The following ALS2CL variants were observed in gnomAD, a reference collection of about 807,000 sequenced individuals.
ALS2CL encodes the protein ALS2 C-terminal-like protein.
A neutral mutation model predicts 127.9 loss-of-function variants in ALS2CL; 112 were observed. The observed-to-expected ratio is 0.88, with a 90% CI of 0.75 to 1.02. The LOEUF is 1.02. ALS2CL is among the 50% of genes least tolerant of loss of function. The pLI, the probability that ALS2CL is intolerant of heterozygous loss-of-function variation, is 0.00. For missense variants in ALS2CL, 1,174 were observed against 1,236.7 expected (o/e 0.95, Z 0.76); for synonymous variants, 519 against 527.6 (o/e 0.98, Z 0.22).
Position 46,681,223 on chromosome 3 carries a change from AG to A in ALS2CL, c.1436+22del, listed in dbSNP as rs756916675. The stretch of plus-strand genomic sequence containing the variant: ...GCCCGGTCCACCCCTCCGTCCTGGG[AG>A]TGGTGGCTGCAGGGCGCTCACCTGT... On this transcript the variant is annotated intron_variant, in intron 13 of 25. Transcript: ENST00000318962. The surrounding 1 kb of genome is among the most constrained non-coding windows in gnomAD (Gnocchi z 4.9). 6.2e-7 allele frequency: 1 copy of A among 1,613,612 alleles called. No individual in the cohort carries two copies. Among genetic ancestry groups the A allele is most frequent in the South Asian group, 1.1e-5 (1 of 91,070 alleles).
In ALS2CL at chr3:46,686,229, C is replaced by A; in HGVS notation, c.666+79G>T. On this transcript the variant is annotated intron_variant, in intron 6 of 25. Coordinates refer to ENST00000318962, the MANE Select transcript of ALS2CL (RefSeq NM_147129.5). The surrounding 1 kb of genome is among the most constrained non-coding windows in gnomAD (Gnocchi z 4.3). ...GGAAACTGAGGCCCAGAGAATACAGCAAGCAGCTCAAGCCCCCCAACATCT... is the reference window on the plus strand; with the variant it reads ...GGAAACTGAGGCCCAGAGAATACAGAAAGCAGCTCAAGCCCCCCAACATCT... 2.7e-6 allele frequency: 4 copies of A among 1,482,242 alleles called. No homozygotes were observed. Among genetic ancestry groups the A allele is most frequent in the Non-Finnish European group, 2.7e-6 (3 of 1,114,760 alleles). The allele number at this position is 1,482,242 out of a possible 1,614,324, so 91.8% of individuals were successfully genotyped here. A position where few individuals can be genotyped will look rare whatever the true frequency, so the allele number is the denominator to read the frequency against.
chr3:46,686,879 C>A lies in ALS2CL; in HGVS notation c.534+104G>T, dbSNP rs942919032. ...CTCCCACCTGCCGGCATGGCTGAGT[C>A]CTTCTTGTACTAGGGTTCCTGAGTA... On this transcript the variant is annotated intron_variant, in intron 5 of 25. Transcript: ENST00000318962. The surrounding 1 kb of genome is among the most constrained non-coding windows in gnomAD (Gnocchi z 4.3). 2.3e-6 allele frequency: 3 copies of A among 1,308,468 alleles called. No individual in the cohort carries two copies. The highest frequency in any genetic ancestry group is 3.0e-6 in the Non-Finnish European group (3 of 997,214). 81.1% of individuals were successfully genotyped at this position (1,308,468 alleles called of 1,614,324 possible).
In ALS2CL at chr3:46,682,105, G is replaced by A. The variant is rs765075737; in HGVS notation, c.1110-11C>T. The A allele has an allele frequency of 6.2e-7, 1 of 1,613,580 alleles. No homozygotes were observed. The highest frequency in any genetic ancestry group is 2.2e-5 in the East Asian group (1 of 44,866). On this transcript the variant is annotated splice_polypyrimidine_tract_variant and intron_variant, in intron 10 of 25. Transcript: ENST00000318962. ...CATTTCAGGGTTCCCCTGGAACACA[G>A]TGGAGGTTCACGAGCCTCAGGCCTA...
intron 10 of ALS2CL, among the ~76,000 whole-genome samples, chr3:46,682,654 T>C (rs1699445011): frequency 6.6e-6 from 1 of 152,174 alleles, no homozygotes; most frequent in African/African-American, 2.4e-5. Flanking sequence ...AGACCTGTGA[T>C]TGAGGCCGGC....
At chr3:46,689,208 G>A in intron 2 of ALS2CL, 130 bp downstream of exon 2, 1 of 907,490 alleles carries the variant, frequency 1.1e-6, no homozygotes. Flanking sequence ...AGAAGATGCT[G>A]ATACCAGGTG....
In ALS2CL at chr3:46,686,110, C is replaced by G. The variant is rs1382398657; in HGVS notation, c.666+198G>C. 6.6e-6 allele frequency among the ~76,000 whole-genome samples: 1 copy of G among 152,210 alleles called. No homozygotes were observed. The highest frequency in any genetic ancestry group is 1.5e-5 in the Non-Finnish European group (1 of 68,028). ...CCTCTTCCCTAGGCCGGGTCAGGGC[C>G]TGGCCCAGGACGTGCTCAGCAGACA... On this transcript the variant is annotated intron_variant, in intron 6 of 25. Coordinates refer to ENST00000318962, the MANE Select transcript of ALS2CL (RefSeq NM_147129.5). The surrounding 1 kb of genome is among the most constrained non-coding windows in gnomAD (Gnocchi z 4.3).
chr3:46,685,631 G>A lies in ALS2CL; in HGVS notation c.680C>T (p.Thr227Ile). ...GTCCTGAAGGAGTCTGTGAGCAGGG[G>A]TGCAGAGCACATCCTGGTGGGGCAA... is the stretch of plus-strand genomic sequence containing the variant. ...LRGRLRDVLC[T>I]PAHRLLQDSQ... Residue 227 changes from threonine (T) to isoleucine (I), a missense_variant, in exon 7 of 26, where the codon ACC becomes ATC. Coordinates refer to ENST00000318962, the MANE Select transcript of ALS2CL (RefSeq NM_147129.5). The A allele has an allele frequency of 2.5e-6, 4 of 1,613,696 alleles. No homozygotes were observed. Among genetic ancestry groups the A allele is most frequent in the Non-Finnish European group, 2.5e-6 (3 of 1,179,876 alleles).
At chr3:46,689,098 A>C (rs181746381) in intron 2 of ALS2CL, among the ~76,000 whole-genome samples, 1 of 152,328 alleles carries the variant, frequency 6.6e-6, no homozygotes, top group Non-Finnish European at 1.5e-5. Flanking sequence ...GCGTGGTGGC[A>C]GGCACCTGTA....
At chr3:46,676,777 C>G in intron 17 of ALS2CL, 39 bp from the exon 18 acceptor site, 2 of 1,612,372 alleles carry the variant, frequency 1.2e-6, no homozygotes, top group East Asian at 2.2e-5. Flanking sequence ...CACACCTCGG[C>G]CCAGCCCCCT....
Position 46,685,541 on chromosome 3 carries a change from G to C in ALS2CL, c.770C>G (p.Ala257Gly). 2 of 1,613,894 alleles carry C rather than the reference G, an allele frequency of 1.2e-6. No individual in the cohort carries two copies. The highest frequency in any genetic ancestry group is 1.1e-5 in the South Asian group (1 of 91,074). ...RAERVLLFDD[A>G]LVLLQGHNVH... Reference sequence around the variant, plus strand: ...CACCCCAACCTGCAGCAGGACGAGGGCATCATCAAAGAGCAGCACACGCTC... The same window carrying C: ...CACCCCAACCTGCAGCAGGACGAGGCCATCATCAAAGAGCAGCACACGCTC... The change falls in exon 7 of 26, where the codon GCC becomes GGC. Residue 257 changes from alanine to glycine, a missense_variant. By Grantham distance (60) the Ala-to-Gly change is moderately conservative. Transcript: ENST00000318962.
At chr3:46,683,708 G>A in intron 9 of ALS2CL, 74 bp downstream of exon 9, 1 of 1,554,496 alleles carries the variant, frequency 6.4e-7, no homozygotes, top group Non-Finnish European at 8.9e-7. Flanking sequence ...GCCCTGCAGG[G>A]TTGCATACTT....
intron 14 of ALS2CL, 177 bp from the exon 15 acceptor site, chr3:46,679,464 C>T (rs1041131707): frequency 3.2e-5 from 16 of 493,234 alleles, no homozygotes; most frequent in Non-Finnish European, 5.3e-5. Flanking sequence ...CTTTGGCCTG[C>T]TAAGCACCAG....
rs778585588 is a variant in ALS2CL, at chr3:46,679,219, G to A, written c.1617C>T (p.Leu539=). The A allele has an allele frequency of 5.1e-6, 8 of 1,567,934 alleles. No individual in the cohort carries two copies. In the Admixed American group the frequency reaches 1.1e-4, roughly 22 times the overall value. Residue 539 remains leucine (L), a synonymous_variant, in exon 15 of 26, where the codon CTC becomes CTT. Transcript: ENST00000318962. ...YEGTFTRDLT[L]MGKGKVTFPN... is the part of the protein sequence containing the mutation. ...CCTCAGTGGTCCTCACCTTCCCCAT[G>A]AGGGTCAGGTCCCTGGTGAAGGTGC...
In ALS2CL at chr3:46,686,524, C is replaced by G; in HGVS notation, c.535-85G>C. 1 of 1,526,452 alleles carries G rather than the reference C, an allele frequency of 6.6e-7. No homozygotes were observed. The highest frequency in any genetic ancestry group is 1.3e-5 in the South Asian group (1 of 77,386). 94.6% of individuals were successfully genotyped at this position (1,526,452 alleles called of 1,614,324 possible). ...TCCTGGTCCCGGCTGGTGGGGAGGCCTGAATCTAGGCCAGACCTTGCCCTT... is the reference window on the plus strand; with the variant it reads ...TCCTGGTCCCGGCTGGTGGGGAGGCGTGAATCTAGGCCAGACCTTGCCCTT... On this transcript the variant is annotated intron_variant, in intron 5 of 25. Transcript: ENST00000318962. This position sits in a 1 kb window ranked among gnomAD's most constrained non-coding sequence, Gnocchi z 4.3.
At chr3:46,679,077 C>T (rs1699110388) in intron 15 of ALS2CL, 133 bp downstream of exon 15, 1 of 884,618 alleles carries the variant, frequency 1.1e-6, no homozygotes, top group Non-Finnish European at 1.7e-6. Flanking sequence ...AGTTGCTGTG[C>T]CCACTCCTTG....
chr3:46,686,971 C>G lies in ALS2CL; in HGVS notation c.534+12G>C. ...CTCGGCTTCCCCACATGCTGCTGCC[C>G]CTGGTACCCACCTCCCCAATGGTGT... On this transcript the variant is annotated intron_variant, in intron 5 of 25. Transcript: ENST00000318962. This position sits in a 1 kb window ranked among gnomAD's most constrained non-coding sequence, Gnocchi z 4.3. 6.3e-7 allele frequency: 1 copy of G among 1,581,636 alleles called. No homozygotes were observed. Among genetic ancestry groups the G allele is most frequent in the South Asian group, 1.1e-5 (1 of 87,872 alleles).
In ALS2CL at chr3:46,671,906, T is replaced by A. The variant is rs1386214032; in HGVS notation, c.2662A>T (p.Ile888Phe). The change falls in exon 24 of 26, where the codon ATC becomes TTC. Residue 888 changes from isoleucine (I) to phenylalanine (F), a missense_variant. Ile to Phe is a conservative substitution (Grantham distance 21). Transcript: ENST00000318962. ...LPMDDLLPLL[I>F]YVVSRARIQH... is the part of the protein sequence containing the mutation. ...CACCGGGCGCGCGACACCACGTAGA[T>A]GAGAAGTGGCAGCAGGTCGTCCATG... 1 of 1,613,550 alleles carries A rather than the reference T, an allele frequency of 6.2e-7. No individual in the cohort carries two copies. Among genetic ancestry groups the A allele is most frequent in the African/African-American group, 1.3e-5 (1 of 74,866 alleles).
intron 20 of ALS2CL, 148 bp from the exon 21 acceptor site, chr3:46,674,887 G>A (rs1345325932): frequency 1.4e-6 from 1 of 721,776 alleles, no homozygotes; most frequent in African/African-American, 1.8e-5. Flanking sequence ...TTCCAAGCCT[G>A]TTCTCAGTCA....
Position 46,681,280 on chromosome 3 carries a change from T to C in ALS2CL, c.1402A>G (p.Arg468Gly). Residue 468 changes from arginine to glycine, a missense_variant, in exon 13 of 26, where the codon AGG becomes GGG. Physicochemically the swap from Arg to Gly is moderately radical, Grantham distance 125 (BLOSUM62 -2). Coordinates refer to ENST00000318962, the MANE Select transcript of ALS2CL (RefSeq NM_147129.5). The surrounding 1 kb of genome is among the most constrained non-coding windows in gnomAD (Gnocchi z 4.9). ...TCCTCCTCAATGCCATAGCCGCTCC[T>C]CTGGCCCCTCTCCCAGTGGCCCGTG... is the stretch of plus-strand genomic sequence containing the variant. Reference protein sequence around the residue: ...RYTGHWERGQRSGYGIEEDGD... With the variant: ...RYTGHWERGQGSGYGIEEDGD... 1 of 1,613,968 alleles carries C rather than the reference T, an allele frequency of 6.2e-7. No individual in the cohort carries two copies.
Sources: gnomAD v4.1 joint callset for allele counts (sites outside exome capture counted in the v4.1 genomes callset) on GRCh38, gnomAD v4.1.1 for gene constraint, Gnocchi (gnomAD v3.1) non-coding constraint, MANE v1.5 for transcripts, NCBI Gene and HGNC (gene_info 2026-07-23, HGNC 2026-07-21) for gene names.